TGFB1: variants seen among roughly 807,000 people sequenced by gnomAD.
TGFB1 encodes the protein transforming growth factor beta-1 proprotein.
In TGFB1, 19 loss-of-function variants were observed where a neutral mutation model predicts 43.8. That is an observed-to-expected ratio of 0.43 (90% CI 0.30 to 0.64). The LOEUF (loss-of-function observed/expected upper bound fraction) is 0.64, where lower values mean the gene tolerates loss of function less well. Ranked by LOEUF, TGFB1 falls within the 30% of genes least tolerant of loss-of-function variation. The pLI, the probability that TGFB1 is intolerant of heterozygous loss-of-function variation, is 0.11. For missense variants in TGFB1, 445 were observed against 529.8 expected (o/e 0.84, Z 1.57); for synonymous variants, 221 against 236.3 (o/e 0.94, Z 0.60).
At chr19:41,347,624 T>C (rs1461875011) in intron 2 of TGFB1, among the ~76,000 whole-genome samples, 2 of 151,340 alleles carry the variant, frequency 1.3e-5, no homozygotes, top group East Asian at 3.9e-4. Flanking sequence ...GGGCAGGAGT[T>C]TGAGACAAGC....
intron 5 of TGFB1, among the ~76,000 whole-genome samples, chr19:41,341,659 C>G (rs1455149052): frequency 6.6e-5 from 10 of 152,022 alleles, no homozygotes; most frequent in Non-Finnish European, 1.5e-4. Context: ...ATCCACCTGC[C>G]TCAGCCTCCC....
intron 2 of TGFB1, among the ~76,000 whole-genome samples, chr19:41,347,931 A>G (rs2038135355): frequency 6.6e-6 from 1 of 151,636 alleles, no homozygotes; most frequent in African/African-American, 2.4e-5. Flanking sequence ...CAGGAGATCG[A>G]GACCATCCTG....
chr19:41,350,808 C>T (rs1327988690), intron 1 of TGFB1: 2 of 152,366 alleles, frequency 1.3e-5, no homozygotes, highest in African/African-American at 4.8e-5. Context: ...CCCACCCAGC[C>T]CCAGTAAGCC....
chr19:41,334,392 AGAAAG>A (rs761665797), intron 5 of TGFB1, among the ~76,000 whole-genome samples: 2 of 151,872 alleles, frequency 1.3e-5, no homozygotes, highest in African/African-American at 4.8e-5. Flanking sequence ...AAAAGAAAAA[AGAAAG>A]AAAAGAAAAG....
At chr19:41,347,470 A>G (rs922648051) in intron 2 of TGFB1, among the ~76,000 whole-genome samples, 6 of 152,058 alleles carry the variant, frequency 3.9e-5, no homozygotes, top group African/African-American at 1.4e-4. Flanking sequence ...AAAGAGTCCA[A>G]CTCCTAAGAT....
Position 41,341,870 on chromosome 19 carries a change from C to A in TGFB1, c.860+13G>T. On this transcript the variant is annotated intron_variant, in intron 5 of 6. Transcript: ENST00000221930. ...CCAGCCTGGAAGGCCTCCATCCAGG[C>A]TACAAGGCTCACCTGAAGCAATAGT... 6.2e-7 allele frequency: 1 copy of A among 1,612,920 alleles called. No homozygotes were observed. Among genetic ancestry groups the A allele is most frequent in the Non-Finnish European group, 8.5e-7 (1 of 1,179,886 alleles).
chr19:41,348,752 C>A (rs1328384022), intron 1 of TGFB1, among the ~76,000 whole-genome samples: 1 of 151,680 alleles, frequency 6.6e-6, no homozygotes, highest in South Asian at 2.1e-4. Context: ...GCCTCCCGAG[C>A]AGCTGGGACT....
rs188483936 is a variant in TGFB1, at chr19:41,343,323, G to A, written c.635-1076C>T. On this transcript the variant is annotated intron_variant, in intron 3 of 6. Coordinates refer to ENST00000221930, the MANE Select transcript of TGFB1 (RefSeq NM_000660.7). ...CTAATTATGTATTTTTAGTAGAGAC[G>A]GGGTTTCTCCATGTTGGTCAGGCTG... 1.1e-3 allele frequency among the ~76,000 whole-genome samples: 163 copies of A among 151,962 alleles called. 2 individuals carry two copies. In the East Asian group the frequency reaches 0.026, roughly 24 times the overall value.
chr19:41,344,522 G>A (rs1251948794), intron 3 of TGFB1, among the ~76,000 whole-genome samples: 2 of 152,158 alleles, frequency 1.3e-5, no homozygotes, highest in African/African-American at 2.4e-5. Context: ...GGCTGTTTTG[G>A]TCATTGCTGT....
intron 1 of TGFB1, among the ~76,000 whole-genome samples, chr19:41,349,664 T>C (rs908818822): frequency 3.3e-5 from 5 of 152,030 alleles, no homozygotes; most frequent in African/African-American, 7.2e-5. Context: ...GGTTGAGGCA[T>C]GAGAATCGCT....
At chr19:41,331,566 CTTTTTTTTTTTTTT>C (rs3061187) in intron 6 of TGFB1, among the ~76,000 whole-genome samples, 2 of 77,506 alleles carry the variant, frequency 2.6e-5, no homozygotes, top group African/African-American at 1.2e-4. Flanking sequence ...CCACTCCTAG[CTTTTTTTTTTTTTT>C]TTTTTTTTTT....
intron 2 of TGFB1, among the ~76,000 whole-genome samples, chr19:41,346,043 C>CA (rs2123105416): frequency 6.6e-6 from 1 of 151,898 alleles, no homozygotes; most frequent in South Asian, 2.1e-4. Context: ...TGCAGGTACC[C>CA]AACATCTGTG....
At chr19:41,337,703 T>C (rs557604613) in intron 5 of TGFB1, among the ~76,000 whole-genome samples, 23 of 152,114 alleles carry the variant, frequency 1.5e-4, no homozygotes, top group South Asian at 4.1e-4. Context: ...TCTTACAAAA[T>C]TCACCACTTA....
Position 41,331,139 on chromosome 19 carries a change from C to A in TGFB1, c.1086G>T (p.Glu362Asp). 1 of 1,571,312 alleles carries A rather than the reference C, an allele frequency of 6.4e-7. No homozygotes were observed. The highest frequency in any genetic ancestry group is 8.6e-7 in the Non-Finnish European group (1 of 1,160,542). Residue 362 changes from glutamate (E) to aspartate (D), a missense_variant, in exon 7 of 7, where the codon GAG (glutamate) becomes GAT (aspartate). This residue lies in a region of TGFB1 where 56 missense variants were observed against 46.9 expected (regional missense o/e 1.19). Coordinates refer to ENST00000221930, the MANE Select transcript of TGFB1 (RefSeq NM_000660.7). The part of the protein sequence containing the change: ...AAPCCVPQAL[E>D]PLPIVYYVGR... ...CCACGTAGTACACGATGGGCAGCGGCTCCAGCGCCTGCGGCACGCAGCACG... is the reference window on the plus strand; with the variant it reads ...CCACGTAGTACACGATGGGCAGCGGATCCAGCGCCTGCGGCACGCAGCACG...
At chr19:41,340,031 A>G (rs901508797) in intron 5 of TGFB1, among the ~76,000 whole-genome samples, 8 of 152,266 alleles carry the variant, frequency 5.3e-5, no homozygotes, top group Admixed American at 5.2e-4. Context: ...CTCCATTTCA[A>G]CTTTCTAGGA....
At chr19:41,333,209 A>ATTTT (rs1161079448) in intron 5 of TGFB1, among the ~76,000 whole-genome samples, 23 of 86,374 alleles carry the variant, frequency 2.7e-4, no homozygotes, top group Non-Finnish European at 3.0e-4. Context: ...TTTTTTTTCT[A>ATTTT]TTTTTTTTTT....
intron 3 of TGFB1, among the ~76,000 whole-genome samples, chr19:41,343,673 G>T (rs2123101529): frequency 6.6e-6 from 1 of 152,196 alleles, no homozygotes; most frequent in East Asian, 1.9e-4. Flanking sequence ...TGCCTGGTGG[G>T]GCCTTGACAA....
Position 41,330,409 on chromosome 19 carries a change from T to C in TGFB1, c.*643A>G, listed in dbSNP as rs1246888893. 2 of 152,080 alleles carry C rather than the reference T, an allele frequency of 1.3e-5. No individual in the cohort carries two copies. Among genetic ancestry groups the C allele is most frequent in the African/African-American group, 4.8e-5 (2 of 41,414 alleles). 9.4% of individuals were successfully genotyped at this position (152,080 alleles called of 1,614,324 possible). On this transcript the variant is annotated 3_prime_UTR_variant, in exon 7 of 7. Transcript: ENST00000221930. ...ACCACAGGTGTACATTTTTTAAAAG[T>C]GTTTTGTAGAGATAGGGTCTCACTA...
At chr19:41,343,542 G>T (rs1333901545) in intron 3 of TGFB1, among the ~76,000 whole-genome samples, 1 of 152,070 alleles carries the variant, frequency 6.6e-6, no homozygotes, top group Non-Finnish European at 1.5e-5. Context: ...GGGTCCAGGT[G>T]CCTTCTCTGG....
Sources: allele counts gnomAD v4.1 joint callset (sites outside exome capture counted in the v4.1 genomes callset), GRCh38; gene constraint gnomAD v4.1.1; regional missense constraint gnomAD v4.1.1; transcripts MANE v1.5; gene names NCBI Gene and HGNC (gene_info 2026-07-23, HGNC 2026-07-21).